Variants in ILDR1 observed in about 807,000 individuals in gnomAD.
The protein encoded by ILDR1 is immunoglobulin like domain containing receptor 1, also known as immunoglobulin-like domain-containing receptor 1.
ILDR1 carries 56 observed loss-of-function variants against 62.4 expected under a neutral mutation model. That is an observed-to-expected ratio of 0.90 (90% CI 0.72 to 1.12). The LOEUF is 1.12. ILDR1 is among the 50% of genes most tolerant of loss of function. The pLI, the probability that ILDR1 is intolerant of heterozygous loss-of-function variation, is 0.00. For synonymous variants in ILDR1, 284 were observed against 277.8 expected (o/e 1.02, Z -0.22); for missense variants, 736 against 710.6 (o/e 1.04, Z -0.41).
At chr3:122,007,322 G>A (rs80037556) in intron 1 of ILDR1, 161 bp from the exon 2 acceptor site, 60,062 of 1,515,724 alleles carry the variant, frequency 0.04, 1,305 homozygotes, top group Non-Finnish European at 0.047. Context: ...CAGGCTATGG[G>A]TGGGGTGGGG....
At chr3:122,029,422 G>A in the ILDR1 span, among the ~76,000 whole-genome samples, 7 of 151,474 alleles carry the variant, frequency 4.6e-5, no homozygotes, top group Middle Eastern at 3.4e-3. Flanking sequence ...CAGGAAAATC[G>A]CTTTAACCAA....
At chr3:121,990,211 C>T (rs1160432466) in intron 7 of ILDR1, among the ~76,000 whole-genome samples, 1 of 152,212 alleles carries the variant, frequency 6.6e-6, no homozygotes, top group African/African-American at 2.4e-5. Context: ...AACAGCAAGA[C>T]TTTGGCCCTG....
chr3:122,016,610 G>A (rs1253057630), intron 1 of ILDR1, among the ~76,000 whole-genome samples: 1 of 152,202 alleles, frequency 6.6e-6, no homozygotes, highest in East Asian at 1.9e-4. Context: ...GCCTGTATCT[G>A]GGGGGACAAG....
rs781450878 is a variant in ILDR1 at position 121,993,257 on chromosome 3, C to CG, written c.1491dup (p.Gly498ArgfsTer14). ...TCGGGCCAGTGTGGGGAGTGCGAGC[C>CG]GCGGCGGTGGGCCCGCCAGCTCTGG... On this transcript the variant is annotated frameshift_variant, in exon 7 of 8. Transcript: ENST00000344209. LOFTEE classifies it high-confidence loss of function. The CG allele has an allele frequency of 6.2e-7, 1 of 1,613,570 alleles. No homozygotes were observed. Among genetic ancestry groups the CG allele is most frequent in the African/African-American group, 1.3e-5 (1 of 75,048 alleles).
intron 3 of ILDR1, among the ~76,000 whole-genome samples, chr3:122,004,434 C>T (rs1266590844): frequency 6.6e-6 from 1 of 152,186 alleles, no homozygotes; most frequent in Non-Finnish European, 1.5e-5. Flanking sequence ...GAGCTAGGTA[C>T]TATGGCAAGT....
chr3:122,043,067 T>C, the ILDR1 span, among the ~76,000 whole-genome samples: 44 of 143,440 alleles, frequency 3.1e-4, no homozygotes, highest in African/African-American at 1.2e-3. Context: ...TTTAAATCTT[T>C]AATCCATCTT....
At position 122,022,141 on chromosome 3, in the gene ILDR1, C is replaced by G. The variant is rs975329650; in HGVS notation, c.-64G>C. The G allele has an allele frequency of 3.5e-6, 5 of 1,427,322 alleles. No homozygotes were observed. Among genetic ancestry groups the G allele is most frequent in the Non-Finnish European group, 4.8e-6 (5 of 1,035,892 alleles). 88.4% of individuals were successfully genotyped at this position (1,427,322 alleles called of 1,614,324 possible). ...GGGGCACTGCGTCTTTCTTCCTCAG[C>G]TGCCGCCCCAGGACGCACCACCTTC... On this transcript the variant is annotated 5_prime_UTR_variant, in exon 1 of 8. Transcript: ENST00000344209.
At chr3:122,034,094 C>G in the ILDR1 span, among the ~76,000 whole-genome samples, 3 of 152,072 alleles carry the variant, frequency 2.0e-5, no homozygotes, top group Non-Finnish European at 4.4e-5. Flanking sequence ...TGTTATTAAG[C>G]CTTCCAATGT....
At chr3:121,999,527 G>A (rs1481197596) in intron 5 of ILDR1, among the ~76,000 whole-genome samples, 1 of 152,178 alleles carries the variant, frequency 6.6e-6, no homozygotes, top group Admixed American at 6.5e-5. Context: ...AGGATCAGAT[G>A]TTAGTCCAAA....
the ILDR1 span, among the ~76,000 whole-genome samples, chr3:122,061,333 T>G: frequency 1.3e-5 from 2 of 152,194 alleles, no homozygotes; most frequent in Admixed American, 6.5e-5. Flanking sequence ...CTGATACTTT[T>G]TTTCAAGTCT....
chr3:122,004,710 T>C (rs1170425139), intron 3 of ILDR1, among the ~76,000 whole-genome samples: 1 of 152,156 alleles, frequency 6.6e-6, no homozygotes, highest in African/African-American at 2.4e-5. Context: ...AAATAACTGA[T>C]CACTGGTCAC....
chr3:121,999,470 G>A (rs2071485056), intron 5 of ILDR1, among the ~76,000 whole-genome samples: 1 of 152,112 alleles, frequency 6.6e-6, no homozygotes, highest in Non-Finnish European at 1.5e-5. Context: ...CATGTATTCT[G>A]TAGCCAACAT....
At chr3:122,040,721 T>C in the ILDR1 span, among the ~76,000 whole-genome samples, 2 of 111,970 alleles carry the variant, frequency 1.8e-5, no homozygotes, top group South Asian at 2.9e-4. Flanking sequence ...GAAATCCAGA[T>C]GCAAAAAAAA....
At chr3:122,050,839 C>G in the ILDR1 span, among the ~76,000 whole-genome samples, 7 of 152,106 alleles carry the variant, frequency 4.6e-5, no homozygotes, top group Admixed American at 2.0e-4. Context: ...TAGTGATGAT[C>G]TTATTCTGCT....
At chr3:122,005,907 AAACAAAAAC>A (rs968019327) in intron 2 of ILDR1, among the ~76,000 whole-genome samples, 19 of 114,714 alleles carry the variant, frequency 1.7e-4, no homozygotes, top group Middle Eastern at 0.011. Flanking sequence ...CTCAAAACAA[AAACAAAAAC>A]AAAAACAAAA....
upstream of ILDR1, among the ~76,000 whole-genome samples, chr3:122,023,444 T>C (rs2071893673): frequency 1.3e-5 from 2 of 152,210 alleles, no homozygotes; most frequent in African/African-American, 4.8e-5. Flanking sequence ...TTAAACACAG[T>C]TTCAGGAAGC....
rs2071547585 is a variant in ILDR1 at position 122,002,765 on chromosome 3, C to G, written c.380-901G>C. The stretch of plus-strand genomic sequence containing the variant: ...AGCTGTGCTTCCTGACGCTCTCCCT[C>G]CTACATCCCCACACCCTCCAACAGG... On this transcript the variant is annotated intron_variant, in intron 3 of 7. Coordinates refer to ENST00000344209, the MANE Select transcript of ILDR1 (RefSeq NM_001199799.2). Among the ~76,000 whole-genome samples the G allele has an allele frequency of 2.0e-5, 3 of 152,228 alleles. No individual in the cohort carries two copies. The South Asian group carries it at 6.2e-4, about 32-fold the overall frequency.
At chr3:121,994,372 C>T (rs1373365305) in intron 5 of ILDR1, 59 bp from the exon 6 acceptor site, 2 of 1,486,502 alleles carry the variant, frequency 1.3e-6, no homozygotes, top group Non-Finnish European at 8.9e-7. Flanking sequence ...ACACCTCCCA[C>T]TTCACTTCTT....
chr3:122,000,342 T>C (rs1038727787), intron 5 of ILDR1, among the ~76,000 whole-genome samples: 3 of 152,056 alleles, frequency 2.0e-5, no homozygotes, highest in African/African-American at 7.2e-5. Flanking sequence ...TGATCACTGA[T>C]AGCCAATGAC....
Sources: gnomAD v4.1 joint callset for allele counts (sites outside exome capture counted in the v4.1 genomes callset) on GRCh38, gnomAD v4.1.1 for gene constraint, MANE v1.5 for transcripts, NCBI Gene and HGNC (gene_info 2026-07-23, HGNC 2026-07-21) for gene names.